The following GABRR1 variants were observed in gnomAD, a reference collection of about 807,000 sequenced individuals.
GABRR1 encodes the protein gamma-aminobutyric acid type A receptor subunit rho1.
Under a neutral mutation model 55.5 loss-of-function variants are expected in GABRR1, and 59 were observed. That is an observed-to-expected ratio of 1.06 (90% CI 0.86 to 1.32). GABRR1 has a LOEUF of 1.32. GABRR1 is among the 40% of genes most tolerant of loss of function. The pLI is 0.00. For missense variants in GABRR1, 602 were observed against 619.1 expected, an observed-to-expected ratio of 0.97 and a Z score of 0.29; for synonymous variants, 213 against 226.0, an observed-to-expected ratio of 0.94 and a Z score of 0.51.
At chr6:89,217,406 T>C (rs1773022193), upstream of GABRR1, 4 of 1,465,134 alleles carry the variant, frequency 2.7e-6, no homozygotes, top group East Asian at 4.9e-5. Context: ...ATTATTGGTC[T>C]GTTCATTATT....
intron 1 of GABRR1, among the ~76,000 whole-genome samples, chr6:89,212,383 C>T (rs1182816345): frequency 5.2e-5 from 2 of 38,424 alleles, no homozygotes; most frequent in East Asian, 7.4e-4. Flanking sequence ...CCTCTATCCC[C>T]CTTCCTGGTG....
chr6:89,191,082 A>C lies in GABRR1; in HGVS notation c.573-835T>G, dbSNP rs1308313342. 2.6e-5 allele frequency among the ~76,000 whole-genome samples: 4 copies of C among 152,272 alleles called. 1 individual carries two copies. The highest frequency in any genetic ancestry group is 4.1e-4 in the South Asian group (2 of 4,834). On this transcript the variant is annotated intron_variant, in intron 5 of 9. Coordinates refer to ENST00000454853, the MANE Select transcript of GABRR1 (RefSeq NM_002042.5). ...AATTATATGAATAATTCATGGTAAAAAAAGAAAAATCACTTTTAATTTAAA... is the reference window on the plus strand; with the variant it reads ...AATTATATGAATAATTCATGGTAAACAAAGAAAAATCACTTTTAATTTAAA...
rs749729994 is a variant in GABRR1 at position 89,190,135 on chromosome 6, G to A, written c.655+30C>T. 83 of 1,512,552 alleles carry A rather than the reference G, an allele frequency of 5.5e-5. No individual in the cohort carries two copies. In the Admixed American group the frequency reaches 6.3e-4, roughly 11 times the overall value. 93.7% of individuals were successfully genotyped at this position (1,512,552 alleles called of 1,614,324 possible). On this transcript the variant is annotated intron_variant, in intron 6 of 9. Transcript: ENST00000454853. ...GGTGTTGAGAATTATCAGGAGCTGTGTGCTGATGCCCGGGGACAAGTCTAC... is the reference window on the plus strand; with the variant it reads ...GGTGTTGAGAATTATCAGGAGCTGTATGCTGATGCCCGGGGACAAGTCTAC...
At chr6:89,203,351 G>A in intron 2 of GABRR1, 84 bp downstream of exon 2, 3 of 1,218,550 alleles carry the variant, frequency 2.5e-6, no homozygotes, top group Admixed American at 1.7e-5. Context: ...GAGGGGTCGG[G>A]GAGGGGCCCT....
chr6:89,185,330 A>G lies in GABRR1; in HGVS notation c.776T>C (p.Leu259Pro), dbSNP rs753178099. ...CTTACCTGTGCTGCTGTAGAAAGCCAGTTTGGTGGTGGTGTGGAATTCCTG... is the reference window on the plus strand; with the variant it reads ...CTTACCTGTGCTGCTGTAGAAAGCCGGTTTGGTGGTGGTGTGGAATTCCTG... ...LIQEFHTTTKLAFYSSTGWYN... is the reference protein window; with the variant it reads ...LIQEFHTTTKPAFYSSTGWYN... The change falls in exon 7 of 10, where the codon CTG becomes CCG. Residue 259 changes from leucine to proline, a missense_variant. Leu to Pro is a moderately conservative substitution (Grantham distance 98, BLOSUM62 -3). This residue lies in a region of GABRR1 where 435 missense variants were observed against 424.2 expected (regional missense o/e 1.03). Coordinates refer to ENST00000454853, the MANE Select transcript of GABRR1 (RefSeq NM_002042.5). 6.2e-7 allele frequency: 1 copy of G among 1,613,944 alleles called. No homozygotes were observed. The highest frequency in any genetic ancestry group is 8.5e-7 in the Non-Finnish European group (1 of 1,179,842).
At chr6:89,183,613 C>T (rs569783545) in intron 7 of GABRR1, among the ~76,000 whole-genome samples, 1 of 151,908 alleles carries the variant, frequency 6.6e-6, no homozygotes, top group South Asian at 2.1e-4. Context: ...AACCTAAGTG[C>T]CCATCAACAG....
chr6:89,210,655 C>T (rs977274654), intron 1 of GABRR1, among the ~76,000 whole-genome samples: 1 of 152,100 alleles, frequency 6.6e-6, no homozygotes, highest in African/African-American at 2.4e-5. Flanking sequence ...GCCCTCAATA[C>T]ATATTTGTTG....
chr6:89,197,343 C>T (rs1396919318), intron 5 of GABRR1, among the ~76,000 whole-genome samples: 1 of 152,230 alleles, frequency 6.6e-6, no homozygotes, highest in East Asian at 1.9e-4. Context: ...GACCACATCC[C>T]TTCTCTGTGA....
intron 1 of GABRR1, among the ~76,000 whole-genome samples, chr6:89,222,359 C>T (rs540691138): frequency 2.0e-5 from 3 of 152,322 alleles, no homozygotes; most frequent in East Asian, 1.9e-4. Context: ...ATCCTAAATT[C>T]GATTCCTGTA....
rs368507511 is a variant in GABRR1, at chr6:89,179,066, G to A, written c.1147-3C>T. On this transcript the variant is annotated splice_polypyrimidine_tract_variant and splice_region_variant and intron_variant, in intron 9 of 9. Coordinates refer to ENST00000454853, the MANE Select transcript of GABRR1 (RefSeq NM_002042.5). ...GGTAATCCGCTGGTGCAGGGAAGCT[G>A]CAAACAGTAAACACATGTTGGGGTG... The A allele has an allele frequency of 3.7e-6, 6 of 1,612,140 alleles. No individual in the cohort carries two copies. In the African/African-American group the frequency reaches 8.0e-5, roughly 22 times the overall value.
At chr6:89,209,116 G>A (rs1360377498) in intron 1 of GABRR1, among the ~76,000 whole-genome samples, 1 of 151,862 alleles carries the variant, frequency 6.6e-6, no homozygotes, top group Admixed American at 6.6e-5. Context: ...CTGCTTCTTA[G>A]ATAAAATCTC....
chr6:89,194,882 G>C (rs1005940862), intron 5 of GABRR1, among the ~76,000 whole-genome samples: 2 of 152,142 alleles, frequency 1.3e-5, no homozygotes, highest in African/African-American at 4.8e-5. Context: ...CTGCTTATAA[G>C]ATATGGAAAA....
chr6:89,202,488 T>C (rs1772510338), intron 2 of GABRR1, among the ~76,000 whole-genome samples: 1 of 151,828 alleles, frequency 6.6e-6, no homozygotes, highest in African/African-American at 2.4e-5. Flanking sequence ...GACAGGGGAT[T>C]TGCCATGTTG....
upstream of GABRR1, among the ~76,000 whole-genome samples, chr6:89,219,476 T>A (rs983491064): frequency 6.6e-6 from 1 of 152,132 alleles, no homozygotes; most frequent in African/African-American, 2.4e-5. Flanking sequence ...TCAAGAATAA[T>A]CTTTAGAATT....
At chr6:89,184,246 T>C (rs1296340673) in intron 7 of GABRR1, among the ~76,000 whole-genome samples, 16 of 96,546 alleles carry the variant, frequency 1.7e-4, no homozygotes, top group Non-Finnish European at 2.6e-4. Context: ...AGACTCCGTC[T>C]CAAAAAAAAA....
intron 5 of GABRR1, among the ~76,000 whole-genome samples, chr6:89,196,615 A>C (rs1031042240): frequency 6.6e-6 from 1 of 151,982 alleles, no homozygotes; most frequent in Non-Finnish European, 1.5e-5. Flanking sequence ...TACAAAAATA[A>C]TTTTTTAAAA....
intron 1 of GABRR1, chr6:89,204,770 TC>T: frequency 1.4e-6 from 1 of 729,526 alleles, no homozygotes; most frequent in Non-Finnish European, 1.9e-6. Context: ...TAACTTTTTT[TC>T]CTGTTTACAT....
intron 7 of GABRR1, among the ~76,000 whole-genome samples, chr6:89,183,921 C>G (rs1020785184): frequency 5.9e-5 from 9 of 152,052 alleles, no homozygotes; most frequent in Admixed American, 2.0e-4. Context: ...ACAATGTACA[C>G]CACTCAGGTG....
intron 1 of GABRR1, among the ~76,000 whole-genome samples, chr6:89,225,421 C>G (rs1303355682): frequency 2.0e-4 from 24 of 118,698 alleles, no homozygotes; most frequent in African/African-American, 5.8e-4. Context: ...CCCCTCCCCC[C>G]ACCCCACCAC....
Sources: allele counts gnomAD v4.1 joint callset (sites outside exome capture counted in the v4.1 genomes callset), GRCh38; gene constraint gnomAD v4.1.1; regional missense constraint gnomAD v4.1.1; transcripts MANE v1.5; gene names NCBI Gene and HGNC (gene_info 2026-07-23, HGNC 2026-07-21).